Variants in MBIP observed in about 807,000 individuals in gnomAD.
MBIP encodes MAP3K12 binding inhibitory protein 1.
In MBIP, 32 loss-of-function variants were observed where a neutral mutation model predicts 45.7. The observed-to-expected ratio is 0.70, with a 90% CI of 0.53 to 0.94. The LOEUF is 0.94. MBIP is among the 40% of genes least tolerant of loss of function. MBIP has a pLI of 0.00. For missense variants in MBIP, 381 were observed against 405.5 expected, an observed-to-expected ratio of 0.94 and a Z score of 0.52; for synonymous variants, 145 against 141.0, an observed-to-expected ratio of 1.03 and a Z score of -0.20.
rs965192993 is a variant in MBIP at position 36,305,801 on chromosome 14, G to A, written c.888+2291C>T. Among the ~76,000 whole-genome samples, 8 of 152,078 alleles carry A rather than the reference G, an allele frequency of 5.3e-5. 1 individual carries two copies. The East Asian group carries it at 9.6e-4, about 18-fold the overall frequency. ...GATTTTCTTATTTCTATCAATGATG[G>A]TATCATTTTTCCAACCAGAAACTGG... is the stretch of plus-strand genomic sequence containing the variant. On this transcript the variant is annotated intron_variant, in intron 7 of 8. Transcript: ENST00000416007.
In MBIP at chr14:36,314,850, T is replaced by C. The variant is rs770532209; in HGVS notation, c.315A>G (p.Gly105=). 6 of 1,613,522 alleles carry C rather than the reference T, an allele frequency of 3.7e-6. No homozygotes were observed. Among genetic ancestry groups the C allele is most frequent in the Non-Finnish European group, 5.1e-6 (6 of 1,179,652 alleles). ...CATTTTTGTTCCCCATTTCTGTTCT[T>C]CCTATCTCTTCAACAGCAGTTGTAT... ...EENTTAVEEI[G]RTEMGNKNEV... is the part of the protein sequence containing the mutation. The change falls in exon 3 of 9, where the codon GGA becomes GGG. Residue 105 remains glycine (G), a synonymous_variant. Transcript: ENST00000416007.
chr14:36,301,140 TCTG>T (rs953851938), intron 7 of MBIP: 1 of 200,962 alleles, frequency 5.0e-6, no homozygotes, highest in African/African-American at 2.3e-5. Flanking sequence ...CTGGGGATTT[TCTG>T]CTTAGTTTTT....
chr14:36,300,353 A>G (rs1352027059), intron 8 of MBIP, among the ~76,000 whole-genome samples: 1 of 152,252 alleles, frequency 6.6e-6, no homozygotes, highest in African/African-American at 2.4e-5. Flanking sequence ...GTTAAATTCT[A>G]GCAAAGCCTT....
chr14:36,319,580 T>C (rs1165826722), intron 1 of MBIP: 1 of 445,568 alleles, frequency 2.2e-6, no homozygotes, highest in Non-Finnish European at 4.5e-6. Context: ...TTCATAGGAA[T>C]TTACCATTAT....
chr14:36,307,062 T>G (rs772026106), intron 7 of MBIP, among the ~76,000 whole-genome samples: 1 of 152,234 alleles, frequency 6.6e-6, no homozygotes, highest in Non-Finnish European at 1.5e-5. Flanking sequence ...TCTCATTTGA[T>G]CTTTGCTTCA....
chr14:36,302,488 T>A (rs530066776), intron 7 of MBIP, among the ~76,000 whole-genome samples: 1 of 43,284 alleles, frequency 2.3e-5, no homozygotes, highest in Non-Finnish European at 4.2e-5. Flanking sequence ...CAAGACACCA[T>A]CTTAAAAAAA....
intron 7 of MBIP, 46 bp from the exon 8 acceptor site, chr14:36,300,869 A>T: frequency 4.2e-6 from 5 of 1,183,368 alleles, no homozygotes; most frequent in Non-Finnish European, 5.9e-6. Context: ...TCTAAGCATC[A>T]TTTTTTTTTC....
Position 36,298,901 on chromosome 14 carries a change from C to A in MBIP, c.*182G>T, listed in dbSNP as rs886579675. ...CCAACAATGCTATTTTCAATGCATT[C>A]ATTATTTCAAAACTTACTGGAATAT... On this transcript the variant is annotated 3_prime_UTR_variant, in exon 9 of 9. Coordinates refer to ENST00000416007, the MANE Select transcript of MBIP (RefSeq NM_016586.3). 2.2e-6 allele frequency: 1 copy of A among 451,250 alleles called. No individual in the cohort carries two copies. 28.0% of individuals were successfully genotyped at this position (451,250 alleles called of 1,614,324 possible). A position where few individuals can be genotyped will look rare whatever the true frequency, so the allele number is the denominator to read the frequency against.
At chr14:36,309,997 T>A (rs73253625) in intron 6 of MBIP, among the ~76,000 whole-genome samples, 8,464 of 152,254 alleles carry the variant, frequency 0.056, 764 homozygotes, top group African/African-American at 0.19. Context: ...GATTATAAAG[T>A]CCTTGAAGCT....
chr14:36,320,081 C>T (rs1475461409), intron 1 of MBIP, among the ~76,000 whole-genome samples: 1 of 152,116 alleles, frequency 6.6e-6, no homozygotes, highest in African/African-American at 2.4e-5. Flanking sequence ...AATCTCAGGC[C>T]TACTGACCAA....
At chr14:36,310,889 C>T (rs1183959244) in intron 6 of MBIP, among the ~76,000 whole-genome samples, 6 of 152,156 alleles carry the variant, frequency 3.9e-5, no homozygotes, top group African/African-American at 1.4e-4. Context: ...CCAATCTCCA[C>T]ATTTTTAGCT....
intron 6 of MBIP, among the ~76,000 whole-genome samples, chr14:36,308,939 A>G (rs768586941): frequency 2.0e-5 from 3 of 152,168 alleles, no homozygotes; most frequent in Non-Finnish European, 4.4e-5. Flanking sequence ...CCAATACCTG[A>G]TCATTTCACT....
At chr14:36,314,229 C>G (rs141183595) in intron 4 of MBIP, 2 of 304,988 alleles carry the variant, frequency 6.6e-6, no homozygotes, top group Non-Finnish European at 1.2e-5. Context: ...CCTTCTCACT[C>G]GTACCTCACC....
intron 6 of MBIP, among the ~76,000 whole-genome samples, chr14:36,309,033 A>G (rs573941400): frequency 6.6e-6 from 1 of 152,282 alleles, no homozygotes; most frequent in East Asian, 1.9e-4. Flanking sequence ...GCCATACACA[A>G]TGTGGATATT....
In MBIP at chr14:36,316,220, T is replaced by C. The variant is rs1055771422; in HGVS notation, c.249+473A>G. On this transcript the variant is annotated intron_variant, in intron 2 of 8. Coordinates refer to ENST00000416007, the MANE Select transcript of MBIP (RefSeq NM_016586.3). ...TTACTAAGATGAGACATTAATGTCA[T>C]AGAAATTACTTTCTTTTTAAAAACT... 1.1e-4 allele frequency among the ~76,000 whole-genome samples: 16 copies of C among 152,326 alleles called. No individual in the cohort carries two copies. The East Asian group carries it at 2.5e-3, about 24-fold the overall frequency.
At chr14:36,320,342 C>T in intron 1 of MBIP, 118 bp downstream of exon 1, 2 of 1,451,420 alleles carry the variant, frequency 1.4e-6, no homozygotes, top group East Asian at 4.6e-5. Context: ...ACCTCGGCTT[C>T]GGGACCGCAT....
In MBIP at chr14:36,312,029, G is replaced by A. The variant is rs2139223266; in HGVS notation, c.572-5C>T. 1 of 1,537,004 alleles carries A rather than the reference G, an allele frequency of 6.5e-7. No homozygotes were observed. The highest frequency in any genetic ancestry group is 1.7e-4 in the Middle Eastern group (1 of 5,834). On this transcript the variant is annotated splice_region_variant and splice_polypyrimidine_tract_variant and intron_variant, in intron 4 of 8. Coordinates refer to ENST00000416007, the MANE Select transcript of MBIP (RefSeq NM_016586.3). Reference sequence around the variant, plus strand: ...CAGTTCTTGCACAACTATTTTCTAAGGAGAATTTAGATAAATATAAGTTTA... The same window carrying A: ...CAGTTCTTGCACAACTATTTTCTAAAGAGAATTTAGATAAATATAAGTTTA...
intron 4 of MBIP, among the ~76,000 whole-genome samples, chr14:36,312,775 T>C (rs1018742690): frequency 1.3e-5 from 2 of 150,496 alleles, no homozygotes; most frequent in Non-Finnish European, 2.9e-5. Context: ...AATTGTTATA[T>C]ATTAACATAC....
rs1331705069 is a variant in MBIP, at chr14:36,320,527, C to T, written c.62G>A (p.Cys21Tyr). The T allele has an allele frequency of 6.2e-7, 1 of 1,613,700 alleles. No individual in the cohort carries two copies. Among genetic ancestry groups the T allele is most frequent in the Non-Finnish European group, 8.5e-7 (1 of 1,179,860 alleles). ...CACCTCTCGGGAGAGGTTGGGTCTG[C>T]ATCTTCGCTCCAGGTTCCTGTCACC... ...SSGDRNLERR[C>Y]RPNLSREVLY... Residue 21 changes from cysteine to tyrosine, a missense_variant, in exon 1 of 9, where the codon TGC (cysteine) becomes TAC (tyrosine). Coordinates refer to ENST00000416007, the MANE Select transcript of MBIP (RefSeq NM_016586.3).
Sources: allele counts gnomAD v4.1 joint callset (sites outside exome capture counted in the v4.1 genomes callset), GRCh38; gene constraint gnomAD v4.1.1; transcripts MANE v1.5; gene names NCBI Gene and HGNC (gene_info 2026-07-23, HGNC 2026-07-21).